SV2C: variants seen among roughly 807,000 people sequenced by gnomAD.
The protein encoded by SV2C is solute carrier family 22 member B3.
Under a neutral mutation model 79.7 loss-of-function variants are expected in SV2C, and 49 were observed. The observed-to-expected ratio is 0.61, with a 90% confidence interval of 0.49 to 0.78. The LOEUF is 0.78. Among genes scored for constraint, SV2C ranks in the 30% least tolerant of loss-of-function variants. The probability of loss-of-function intolerance (pLI) is 0.00; values close to 1 mark genes in which losing one functional copy is unlikely to be tolerated. For missense variants in SV2C, 833 were observed against 912.9 expected (o/e 0.91, Z 1.13); for synonymous variants, 334 against 333.2 (o/e 1.00, Z -0.03).
chr5:75,862,901 C>T, the SV2C span, among the ~76,000 whole-genome samples: 39 of 152,254 alleles, frequency 2.6e-4, no homozygotes, highest in Admixed American at 1.4e-3. Context: ...CCATGCTGTG[C>T]GATGGTGGTA....
the SV2C span, among the ~76,000 whole-genome samples, chr5:76,060,378 G>A: frequency 3.9e-5 from 6 of 152,120 alleles, no homozygotes; most frequent in Non-Finnish European, 7.4e-5. Flanking sequence ...CGATGATCAT[G>A]ATCTTAGCTA....
the SV2C span, among the ~76,000 whole-genome samples, chr5:75,935,745 A>C: frequency 6.6e-6 from 1 of 152,200 alleles, no homozygotes; most frequent in Admixed American, 6.5e-5. Flanking sequence ...GGCATGCAAC[A>C]GATCAGAGAG....
At chr5:76,308,095 T>C (rs916429752) in intron 12 of SV2C, among the ~76,000 whole-genome samples, 7 of 152,256 alleles carry the variant, frequency 4.6e-5, no homozygotes, top group Admixed American at 2.6e-4. Context: ...CAGTTTCTGA[T>C]TGGAAGCAGT....
At chr5:76,279,292 G>A (rs1747111943) in intron 4 of SV2C, among the ~76,000 whole-genome samples, 1 of 152,184 alleles carries the variant, frequency 6.6e-6, no homozygotes. Context: ...GAAAAAGAAT[G>A]TATTTCAGAG....
At chr5:75,906,176 C>A in the SV2C span, among the ~76,000 whole-genome samples, 2 of 152,074 alleles carry the variant, frequency 1.3e-5, no homozygotes, top group Admixed American at 1.3e-4. Flanking sequence ...AAAAAGGCTT[C>A]TCTCAGAGTC....
At chr5:76,243,341 G>A (rs116057168) in intron 4 of SV2C, among the ~76,000 whole-genome samples, 2,075 of 152,274 alleles carry the variant, frequency 0.014, 17 homozygotes, top group South Asian at 0.019. Flanking sequence ...CAACAAATGC[G>A]TATTGAGGGG....
intron 2 of SV2C, among the ~76,000 whole-genome samples, chr5:76,188,280 G>A (rs1486327384): frequency 6.6e-6 from 1 of 152,050 alleles, no homozygotes; most frequent in Non-Finnish European, 1.5e-5. Context: ...AATAATAATT[G>A]TTGCTTATTG....
the SV2C span, among the ~76,000 whole-genome samples, chr5:75,900,142 G>A: frequency 6.6e-6 from 1 of 152,156 alleles, no homozygotes; most frequent in Non-Finnish European, 1.5e-5. Context: ...GTTAGTTGAT[G>A]CAGTTCCTTC....
rs1228772060 is a variant in SV2C, at chr5:76,295,876, C to A, written c.1436C>A (p.Ala479Glu). 1.2e-6 allele frequency: 2 copies of A among 1,613,086 alleles called. No individual in the cohort carries two copies. Among genetic ancestry groups the A allele is most frequent in the Admixed American group, 1.7e-5 (1 of 59,860 alleles). The change falls in exon 9 of 13, where the codon GCA becomes GAA. Residue 479 changes from alanine (A) to glutamate (E), a missense_variant. Physicochemically the swap from Ala to Glu is moderately radical, Grantham distance 107. Transcript: ENST00000502798. ...AGAAATGTGGAGAGAGATAAATATGCAAATTTCACTATTAACTTTACAATG... is the reference window on the plus strand; with the variant it reads ...AGAAATGTGGAGAGAGATAAATATGAAAATTTCACTATTAACTTTACAATG... ...LTRNVERDKY[A>E]NFTINFTMEN...
At chr5:75,850,410 AG>A in the SV2C span, among the ~76,000 whole-genome samples, 1 of 152,220 alleles carries the variant, frequency 6.6e-6, no homozygotes, top group African/African-American at 2.4e-5. Context: ...TGTTTTTATT[AG>A]GATTTTAAGC....
chr5:76,322,278 C>T (rs994693107), intron 12 of SV2C, among the ~76,000 whole-genome samples: 2 of 152,150 alleles, frequency 1.3e-5, no homozygotes, highest in South Asian at 4.1e-4. Context: ...AGTGAACTCC[C>T]ATTCACAATT....
chr5:76,187,750 CAAAA>C (rs5868811), intron 2 of SV2C, among the ~76,000 whole-genome samples: 3 of 144,492 alleles, frequency 2.1e-5, no homozygotes, highest in Admixed American at 6.9e-5. Context: ...TTTCAAATTG[CAAAA>C]AAAAAAAAAA....
At chr5:76,077,428 A>G in the SV2C span, among the ~76,000 whole-genome samples, 1 of 152,230 alleles carries the variant, frequency 6.6e-6, no homozygotes, top group Non-Finnish European at 1.5e-5. Flanking sequence ...TGTATGGTAG[A>G]CCTTATTTGG....
chr5:75,946,306 A>G, the SV2C span, among the ~76,000 whole-genome samples: 10 of 152,118 alleles, frequency 6.6e-5, no homozygotes, highest in Non-Finnish European at 1.2e-4. Context: ...ATGTTTTAGC[A>G]TCATTTTTGG....
chr5:76,188,501 T>A (rs1275013984), intron 2 of SV2C, among the ~76,000 whole-genome samples: 3 of 152,200 alleles, frequency 2.0e-5, no homozygotes, highest in African/African-American at 7.2e-5. Flanking sequence ...GGCTCTTAAC[T>A]ATTTGCTACC....
chr5:75,850,051 T>C, the SV2C span, among the ~76,000 whole-genome samples: 1 of 152,226 alleles, frequency 6.6e-6, no homozygotes, highest in Non-Finnish European at 1.5e-5. Context: ...ATCTTTGATA[T>C]GGTAAATGAT....
chr5:76,211,041 A>G (rs1188041914), intron 4 of SV2C, among the ~76,000 whole-genome samples: 2 of 152,168 alleles, frequency 1.3e-5, no homozygotes, highest in Non-Finnish European at 2.9e-5. Flanking sequence ...AGCAGCATAT[A>G]AGACAACATG....
At chr5:75,943,343 AT>A in the SV2C span, among the ~76,000 whole-genome samples, 1 of 152,102 alleles carries the variant, frequency 6.6e-6, no homozygotes. Flanking sequence ...AATGGCAAAC[AT>A]TTTTTTCCCA....
rs759937563 is a variant in SV2C, at chr5:76,325,588, C to T, written c.*41C>T. 5 of 1,605,044 alleles carry T rather than the reference C, an allele frequency of 3.1e-6. 1 individual carries two copies. The Middle Eastern group carries it at 5.8e-4, about 188-fold the overall frequency. On this transcript the variant is annotated 3_prime_UTR_variant, in exon 13 of 13. Transcript: ENST00000502798. The stretch of plus-strand genomic sequence containing the variant: ...TCCTTCCTGCGTTTCTTCCTCCTGC[C>T]CTGGGTCAATTCTCCTTCCTGACTC...
Sources: gnomAD v4.1 joint callset for allele counts (sites outside exome capture counted in the v4.1 genomes callset) on GRCh38, gnomAD v4.1.1 for gene constraint, MANE v1.5 for transcripts, NCBI Gene and HGNC (gene_info 2026-07-23, HGNC 2026-07-21) for gene names.